IL1RAPL1: variants seen among roughly 807,000 people sequenced by gnomAD.
The protein encoded by IL1RAPL1 is interleukin 1 receptor accessory protein like 1.
IL1RAPL1 carries 3 observed loss-of-function variants against 48.4 expected under a neutral mutation model. The observed-to-expected ratio is 0.06, with a 90% confidence interval of 0.03 to 0.16. The LOEUF is 0.16. Among genes scored for constraint, IL1RAPL1 ranks in the 10% least tolerant of loss-of-function variants. The probability of loss-of-function intolerance (pLI) is 1.00; values close to 1 mark genes in which losing one functional copy is unlikely to be tolerated. For missense variants in IL1RAPL1, 349 were observed against 530.6 expected, an observed-to-expected ratio of 0.66 and a Z score of 3.36; for synonymous variants, 185 against 187.7, an observed-to-expected ratio of 0.99 and a Z score of 0.12.
At chrX:28,668,103 C>T (rs1009742263) in intron 1 of IL1RAPL1, among the ~76,000 whole-genome samples, 1 of 111,447 alleles carries the variant, frequency 9.0e-6, no homozygotes, top group African/African-American at 3.3e-5. Context: ...TGTTTTAAAG[C>T]CATGTGTGCA....
chrX:28,762,065 A>G (rs910936997), intron 1 of IL1RAPL1, among the ~76,000 whole-genome samples: 1 of 112,057 alleles, frequency 8.9e-6, no homozygotes, highest in Non-Finnish European at 1.9e-5. Context: ...GATACTTAAT[A>G]AATAGTAACT....
intron 3 of IL1RAPL1, among the ~76,000 whole-genome samples, chrX:29,391,981 A>G (rs12557584): frequency 0.14 from 16,037 of 111,612 alleles, 1,050 homozygotes; most frequent in African/African-American, 0.26. Context: ...TGTTTCTCCA[A>G]TATGTTGTGT....
In IL1RAPL1 at chrX:29,366,029, T is replaced by C. The variant is rs1380701754; in HGVS notation, c.363-30229T>C. Among the ~76,000 whole-genome samples, 3 of 90,009 alleles carry C rather than the reference T, an allele frequency of 3.3e-5. No individual in the cohort carries two copies. The Admixed American group carries it at 4.3e-4, about 13-fold the overall frequency. 78.2% of individuals were successfully genotyped at this position (90,009 alleles called of 115,157 possible). On this transcript the variant is annotated intron_variant, in intron 3 of 10. Coordinates refer to ENST00000378993, the MANE Select transcript of IL1RAPL1 (RefSeq NM_014271.4). ...GCACTACACACTCCAGCCTGGATGA[T>C]AGAGTGAGACTGTGTCTCAAAAAAA...
intron 6 of IL1RAPL1, among the ~76,000 whole-genome samples, chrX:29,700,562 TATTTA>T (rs1927023488): frequency 9.3e-6 from 1 of 108,014 alleles, no homozygotes; most frequent in African/African-American, 3.6e-5. Flanking sequence ...ATTTAACTGC[TATTTA>T]ATTGAAGAAG....
At chrX:29,144,415 C>T (rs1378131290) in intron 2 of IL1RAPL1, among the ~76,000 whole-genome samples, 3 of 107,086 alleles carry the variant, frequency 2.8e-5, no homozygotes, top group East Asian at 5.9e-4. Context: ...CCAACCTGGC[C>T]GACATGGTGA....
At chrX:29,088,672 CAAAAAAAAAAAAA>C (rs1182451817) in intron 2 of IL1RAPL1, among the ~76,000 whole-genome samples, 2 of 32,878 alleles carry the variant, frequency 6.1e-5, no homozygotes, top group Non-Finnish European at 1.1e-4. Flanking sequence ...CACTCCTTCT[CAAAAAAAAAAAAA>C]AAAAAAAAAA....
intron 2 of IL1RAPL1, among the ~76,000 whole-genome samples, chrX:29,238,962 A>G (rs1232004808): frequency 8.9e-6 from 1 of 112,281 alleles, no homozygotes; most frequent in South Asian, 3.7e-4. Flanking sequence ...TTTCCTTATC[A>G]ATGATCTCTT....
chrX:29,859,084 A>G lies in IL1RAPL1; in HGVS notation c.779-58380A>G, dbSNP rs779291646. On this transcript the variant is annotated intron_variant, in intron 6 of 10. Transcript: ENST00000378993. ...CAATTACCACTTACCTTTTGAATCTACCCAAGGCCTGGTCCCCTCTCTTCT... is the reference window on the plus strand; with the variant it reads ...CAATTACCACTTACCTTTTGAATCTGCCCAAGGCCTGGTCCCCTCTCTTCT... Among the ~76,000 whole-genome samples, 8 of 110,800 alleles carry G rather than the reference A, an allele frequency of 7.2e-5. No individual in the cohort carries two copies. The Admixed American group carries it at 7.7e-4, about 11-fold the overall frequency.
intron 2 of IL1RAPL1, among the ~76,000 whole-genome samples, chrX:28,798,384 A>G (rs989042473): frequency 9.0e-6 from 1 of 111,730 alleles, no homozygotes; most frequent in African/African-American, 3.3e-5. Context: ...CAAATTTATT[A>G]TCTTACAGTT....
At chrX:28,826,323 A>G (rs959926561) in intron 2 of IL1RAPL1, among the ~76,000 whole-genome samples, 8 of 111,636 alleles carry the variant, frequency 7.2e-5, no homozygotes, top group East Asian at 2.8e-4. Flanking sequence ...CTGTATTCTC[A>G]TGTAGCTTAA....
chrX:29,728,226 G>A (rs1287674550), intron 6 of IL1RAPL1, among the ~76,000 whole-genome samples: 6 of 111,247 alleles, frequency 5.4e-5, no homozygotes, highest in East Asian at 5.6e-4. Context: ...GTGAGCCACC[G>A]CACCCAGCCG....
rs771897220 is a variant in IL1RAPL1, at chrX:29,168,570, T to TATATAC, written c.83-114367_83-114366insTATACA. Among the ~76,000 whole-genome samples the TATATAC allele has an allele frequency of 5.2e-5, 5 of 95,889 alleles. 1 individual carries two copies. In the East Asian group the frequency reaches 9.7e-4, roughly 19 times the overall value. 83.3% of individuals were successfully genotyped at this position (95,889 alleles called of 115,157 possible). A position where few individuals can be genotyped will look rare whatever the true frequency, so the allele number is the denominator to read the frequency against. Reference sequence around the variant, plus strand: ...GTATTCAATTGTATATATATATATATACACACACAATTGTATATATATATT... The same window carrying TATATAC: ...GTATTCAATTGTATATATATATATATATATACACACACACAATTGTATATATATATT... On this transcript the variant is annotated intron_variant, in intron 2 of 10. Coordinates refer to ENST00000378993, the MANE Select transcript of IL1RAPL1 (RefSeq NM_014271.4).
chrX:29,952,607 A>G (rs190508804), intron 9 of IL1RAPL1, among the ~76,000 whole-genome samples: 2 of 112,358 alleles, frequency 1.8e-5, no homozygotes, highest in African/African-American at 6.5e-5. Context: ...TTACTCAACT[A>G]AAGTGTTTAC....
chrX:29,677,831 G>C (rs189877327), intron 6 of IL1RAPL1, among the ~76,000 whole-genome samples: 1 of 112,201 alleles, frequency 8.9e-6, no homozygotes, highest in Admixed American at 9.5e-5. Flanking sequence ...GGGTAGAATA[G>C]TTAAGTAACC....
intron 5 of IL1RAPL1, among the ~76,000 whole-genome samples, chrX:29,486,220 A>G (rs1013481562): frequency 9.0e-6 from 1 of 110,936 alleles, no homozygotes; most frequent in African/African-American, 3.3e-5. Context: ...ATTCCAATAT[A>G]GTTGGTCTCA....
intron 2 of IL1RAPL1, among the ~76,000 whole-genome samples, chrX:29,054,894 T>C (rs1051775951): frequency 5.3e-5 from 6 of 112,217 alleles, no homozygotes; most frequent in African/African-American, 1.6e-4. Context: ...TAGTACACAA[T>C]ACTTAATAGG....
chrX:29,763,963 C>T (rs775987528), intron 6 of IL1RAPL1, among the ~76,000 whole-genome samples: 9 of 102,782 alleles, frequency 8.8e-5, no homozygotes, highest in East Asian at 6.0e-4. Context: ...TCTTAATATG[C>T]GTGCATTGTG....
intron 1 of IL1RAPL1, among the ~76,000 whole-genome samples, chrX:28,746,691 G>A (rs1232859418): frequency 1.8e-5 from 2 of 111,535 alleles, no homozygotes; most frequent in African/African-American, 3.2e-5. Context: ...TGCAATATCC[G>A]TGTAAGAAGA....
chrX:28,787,678 G>A (rs376552807), intron 1 of IL1RAPL1, among the ~76,000 whole-genome samples: 11 of 109,703 alleles, frequency 1.0e-4, no homozygotes, highest in African/African-American at 3.8e-4. Flanking sequence ...ATTAAAATGT[G>A]TTTTAACAGA....
Sources: gnomAD v4.1 joint callset for allele counts (sites outside exome capture counted in the v4.1 genomes callset) on GRCh38, gnomAD v4.1.1 for gene constraint, MANE v1.5 for transcripts, NCBI Gene and HGNC (gene_info 2026-07-23, HGNC 2026-07-21) for gene names.